The following JAK1 variants were observed in gnomAD, a reference collection of about 807,000 sequenced individuals.
The protein encoded by JAK1 is Janus kinase 1.
JAK1 carries 16 observed loss-of-function variants against 136.6 expected under a neutral mutation model. The ratio of observed to expected loss-of-function variants is 0.12; its 90% CI spans 0.08 to 0.18. The LOEUF (loss-of-function observed/expected upper bound fraction) is 0.18. JAK1 is among the 10% of genes least tolerant of loss of function. JAK1 has a pLI of 1.00. For synonymous variants in JAK1, 492 were observed against 519.5 expected (o/e 0.95, Z 0.72); for missense variants, 859 against 1,450.1 (o/e 0.59, Z 6.62).
chr1:65,049,851 G>A (rs1647238046), intron 1 of JAK1, among the ~76,000 whole-genome samples: 1 of 152,148 alleles, frequency 6.6e-6, no homozygotes, highest in South Asian at 2.1e-4. Context: ...TTCTGGGATA[G>A]TGGCTTACCA....
intron 1 of JAK1, among the ~76,000 whole-genome samples, chr1:64,946,753 A>G (rs988681207): frequency 2.3e-5 from 2 of 88,004 alleles, no homozygotes; most frequent in African/African-American, 1.5e-4. Context: ...TCAACGAGAT[A>G]TTTGCAAACC....
rs370445389 is a variant in JAK1, at chr1:64,867,905, G to A, written c.648-697C>T. 6.6e-4 allele frequency among the ~76,000 whole-genome samples: 101 copies of A among 152,160 alleles called. No homozygotes were observed. In the Middle Eastern group the frequency reaches 0.017, roughly 26 times the overall value. On this transcript the variant is annotated intron_variant, in intron 6 of 24. Transcript: ENST00000342505. ...CTCAGGAGGCTGAGGCAGGAGAATC[G>A]CTTGAACCTGGGAGGCCAAAGTTGC...
At chr1:64,859,296 A>G (rs1173064634) in intron 9 of JAK1, among the ~76,000 whole-genome samples, 3 of 152,262 alleles carry the variant, frequency 2.0e-5, no homozygotes, top group Non-Finnish European at 4.4e-5. Flanking sequence ...AGAGAAAGTC[A>G]AAAGAATCCC....
At chr1:64,866,723 A>T (rs959264987) in intron 7 of JAK1, 143 bp downstream of exon 7, 41 of 625,298 alleles carry the variant, frequency 6.6e-5, no homozygotes, top group South Asian at 1.9e-4. Flanking sequence ...GGATGAAATA[A>T]AATATGAATG....
chr1:65,013,763 A>G (rs1391229916), intron 2 of JAK1, among the ~76,000 whole-genome samples: 5 of 152,236 alleles, frequency 3.3e-5, no homozygotes, highest in Admixed American at 1.3e-4. Context: ...TGGTAAAAAA[A>G]ACAACTAAGC....
At chr1:65,046,067 G>A (rs1647180494) in intron 1 of JAK1, among the ~76,000 whole-genome samples, 1 of 152,242 alleles carries the variant, frequency 6.6e-6, no homozygotes, top group African/African-American at 2.4e-5. Flanking sequence ...AACTCAATAA[G>A]TGGTCACTCT....
chr1:64,998,907 C>A (rs1315179560), intron 2 of JAK1, among the ~76,000 whole-genome samples: 1 of 152,218 alleles, frequency 6.6e-6, no homozygotes, highest in East Asian at 1.9e-4. Flanking sequence ...ATGTCTTTAT[C>A]AGCCACGTGA....
At position 64,893,474 on chromosome 1, in the gene JAK1, G is replaced by A. The variant is rs115466063; in HGVS notation, c.-77-7133C>T. 1.0e-2 allele frequency among the ~76,000 whole-genome samples: 1,522 copies of A among 152,296 alleles called. 29 individuals carry two copies. Among genetic ancestry groups the A allele is most frequent in the African/African-American group, 0.035 (1,450 of 41,558 alleles). On this transcript the variant is annotated intron_variant, in intron 1 of 24. Coordinates refer to ENST00000342505, the MANE Select transcript of JAK1 (RefSeq NM_002227.4). Reference sequence around the variant, plus strand: ...CCTGCTCTTGGAGTCACCCTAACCTGGGTCCAGATCCCAGCTCTAACACCC... The same window carrying A: ...CCTGCTCTTGGAGTCACCCTAACCTAGGTCCAGATCCCAGCTCTAACACCC...
chr1:64,890,370 G>T (rs1308454308), intron 1 of JAK1, among the ~76,000 whole-genome samples: 1 of 151,820 alleles, frequency 6.6e-6, no homozygotes, highest in Non-Finnish European at 1.5e-5. Context: ...ATTATGCAAT[G>T]AAAAAAAGCA....
At chr1:64,917,667 C>T (rs574453135) in intron 1 of JAK1, among the ~76,000 whole-genome samples, 7 of 152,268 alleles carry the variant, frequency 4.6e-5, no homozygotes, top group African/African-American at 1.7e-4. Flanking sequence ...AATTCCTGTT[C>T]CCCTGCTGTG....
At chr1:64,907,685 TAA>T (rs1225483609) in intron 1 of JAK1, among the ~76,000 whole-genome samples, 1 of 151,962 alleles carries the variant, frequency 6.6e-6, no homozygotes, top group African/African-American at 2.4e-5. Flanking sequence ...CCCCTGAACT[TAA>T]AGTTAAAAAA....
At position 64,834,497 on chromosome 1, in the gene JAK1, A is replaced by T; in HGVS notation, c.*65T>A. 1 of 1,103,204 alleles carries T rather than the reference A, an allele frequency of 9.1e-7. No individual in the cohort carries two copies. Among genetic ancestry groups the T allele is most frequent in the Non-Finnish European group, 1.4e-6 (1 of 732,354 alleles). 68.3% of individuals were successfully genotyped at this position (1,103,204 alleles called of 1,614,324 possible). A position where few individuals can be genotyped will look rare whatever the true frequency, so the allele number is the denominator to read the frequency against. The stretch of plus-strand genomic sequence containing the variant: ...TTTCATTAGAAATTTTTAAAAAATG[A>T]CTTGGGCATTTGTTGCAGGAGAAGG... On this transcript the variant is annotated 3_prime_UTR_variant, in exon 25 of 25. Coordinates refer to ENST00000342505, the MANE Select transcript of JAK1 (RefSeq NM_002227.4).
intron 2 of JAK1, chr1:64,986,038 T>C: frequency 7.5e-7 from 1 of 1,326,738 alleles, no homozygotes; most frequent in Non-Finnish European, 1.1e-6. Context: ...AAAGAGCCGA[T>C]TGTAGCAATT....
intron 1 of JAK1, among the ~76,000 whole-genome samples, chr1:64,955,384 A>C (rs1646167431): frequency 6.6e-6 from 1 of 152,210 alleles, no homozygotes; most frequent in Admixed American, 6.5e-5. Flanking sequence ...GGACATTTGA[A>C]GGGGCCTTGA....
At chr1:64,917,072 GA>G (rs1421247722) in intron 1 of JAK1, among the ~76,000 whole-genome samples, 1 of 152,090 alleles carries the variant, frequency 6.6e-6, no homozygotes, top group Non-Finnish European at 1.5e-5. Context: ...AAACAATGGA[GA>G]AAAAGACCTG....
chr1:64,949,631 T>C (rs987310736), intron 1 of JAK1, among the ~76,000 whole-genome samples: 2 of 152,226 alleles, frequency 1.3e-5, no homozygotes, highest in African/African-American at 4.8e-5. Flanking sequence ...TGGTCCGTAT[T>C]TGACATGTTA....
intron 2 of JAK1, among the ~76,000 whole-genome samples, chr1:64,884,793 C>T (rs1430515341): frequency 2.6e-5 from 4 of 152,206 alleles, no homozygotes; most frequent in Non-Finnish European, 5.9e-5. Context: ...CTAAGGCCCT[C>T]GCTTCTTGCT....
chr1:65,054,742 CT>C, intron 1 of JAK1, among the ~76,000 whole-genome samples: 1 of 150,422 alleles, frequency 6.6e-6, no homozygotes, highest in Non-Finnish European at 1.5e-5. Flanking sequence ...TTGTCCACGC[CT>C]TTTTCTCATT....
At chr1:64,836,270 A>C in intron 22 of JAK1, 55 bp from the exon 23 acceptor site, 1 of 963,068 alleles carries the variant, frequency 1.0e-6, no homozygotes, top group Admixed American at 1.8e-5. Flanking sequence ...ACTCCATCCG[A>C]CATTACAGGA....
Sources: allele counts gnomAD v4.1 joint callset (sites outside exome capture counted in the v4.1 genomes callset), GRCh38; gene constraint gnomAD v4.1.1; transcripts MANE v1.5; gene names NCBI Gene and HGNC (gene_info 2026-07-23, HGNC 2026-07-21).